STIM2: variants seen among roughly 807,000 people sequenced by gnomAD.
STIM2 encodes the protein stromal interaction molecule 2.
A neutral mutation model predicts 85.8 loss-of-function variants in STIM2; 31 were observed. The ratio of observed to expected loss-of-function variants is 0.36; its 90% CI spans 0.27 to 0.49. The LOEUF is 0.49. STIM2 is among the 20% of genes least tolerant of loss of function. STIM2 has a pLI of 0.98. For synonymous variants in STIM2, 356 were observed against 331.1 expected, an observed-to-expected ratio of 1.08 and a Z score of -0.82; for missense variants, 841 against 927.6, an observed-to-expected ratio of 0.91 and a Z score of 1.21.
intron 7 of STIM2, among the ~76,000 whole-genome samples, chr4:27,003,391 G>GT (rs1373875678): frequency 2.0e-5 from 3 of 152,098 alleles, no homozygotes; most frequent in Non-Finnish European, 4.4e-5. Context: ...TCTGTAATAT[G>GT]TTTAAGTTTC....
chr4:26,942,005 A>G (rs1302916236), intron 2 of STIM2, among the ~76,000 whole-genome samples: 1 of 152,168 alleles, frequency 6.6e-6, no homozygotes, highest in East Asian at 1.9e-4. Flanking sequence ...TTGTTTGGTC[A>G]CTAATTTAAA....
intron 1 of STIM2, among the ~76,000 whole-genome samples, chr4:26,865,585 C>G (rs1722374037): frequency 6.6e-6 from 1 of 152,074 alleles, no homozygotes; most frequent in Admixed American, 6.5e-5. Context: ...TGAACACTTT[C>G]ACAATGATTG....
chr4:26,899,757 T>C (rs767928807), intron 1 of STIM2, among the ~76,000 whole-genome samples: 8 of 152,226 alleles, frequency 5.3e-5, no homozygotes, highest in Non-Finnish European at 1.0e-4. Flanking sequence ...CTATTTAGCA[T>C]ATTGAATAAA....
chr4:26,995,963 T>C (rs1727948557), intron 4 of STIM2, among the ~76,000 whole-genome samples: 1 of 152,094 alleles, frequency 6.6e-6, no homozygotes, highest in Non-Finnish European at 1.5e-5. Flanking sequence ...CATTTTAAAA[T>C]GTATGCTACA....
chr4:26,892,423 C>T (rs1723527894), intron 1 of STIM2, among the ~76,000 whole-genome samples: 1 of 152,140 alleles, frequency 6.6e-6, no homozygotes, highest in Non-Finnish European at 1.5e-5. Flanking sequence ...CATAAGAGCA[C>T]TAATCCTATT....
At chr4:27,012,680 C>T (rs1326337404) in intron 10 of STIM2, among the ~76,000 whole-genome samples, 1 of 151,854 alleles carries the variant, frequency 6.6e-6, no homozygotes, top group Admixed American at 6.6e-5. Context: ...AAGCTAAGAC[C>T]TCCAGTAAAA....
chr4:27,007,354 G>C (rs1728399559), intron 7 of STIM2, among the ~76,000 whole-genome samples, 179 bp from the exon 8 acceptor site: 1 of 143,014 alleles, frequency 7.0e-6, no homozygotes, highest in Non-Finnish European at 1.5e-5. Flanking sequence ...TCGCTCTGTT[G>C]TCAGCCTTAA....
At chr4:26,931,897 GT>G (rs2109074965) in intron 2 of STIM2, among the ~76,000 whole-genome samples, 1 of 152,318 alleles carries the variant, frequency 6.6e-6, no homozygotes, top group Non-Finnish European at 1.5e-5. Context: ...GTTAGTAAGT[GT>G]TTTATGGGAA....
intron 2 of STIM2, among the ~76,000 whole-genome samples, chr4:26,922,789 A>C (rs1724852663): frequency 6.6e-6 from 1 of 152,168 alleles, no homozygotes; most frequent in Non-Finnish European, 1.5e-5. Flanking sequence ...GCCCTATCCT[A>C]AATCACTTTG....
At chr4:26,916,815 A>G (rs915675980) in intron 1 of STIM2, among the ~76,000 whole-genome samples, 8 of 152,008 alleles carry the variant, frequency 5.3e-5, no homozygotes, top group Non-Finnish European at 1.5e-5. Flanking sequence ...GTTGTCAGCT[A>G]CAGATGATTT....
rs1258609319 is a variant in STIM2 at position 27,023,523 on chromosome 4, TGGATAG to T, written c.*530_*535del. 2 of 153,200 alleles carry T rather than the reference TGGATAG, an allele frequency of 1.3e-5. No homozygotes were observed. The highest frequency in any genetic ancestry group is 4.8e-5 in the African/African-American group (2 of 41,430). 9.5% of individuals were successfully genotyped at this position (153,200 alleles called of 1,614,324 possible). On this transcript the variant is annotated 3_prime_UTR_variant, in exon 12 of 12. Transcript: ENST00000467087. The stretch of plus-strand genomic sequence containing the variant: ...CTGTATAGAGTTTATAAAATGACTA[TGGATAG>T]GGGACTGTTTTCACTTTTAGATCAA...
chr4:26,870,680 C>G (rs1479552847), intron 1 of STIM2, among the ~76,000 whole-genome samples: 1 of 151,828 alleles, frequency 6.6e-6, no homozygotes, highest in African/African-American at 2.4e-5. Flanking sequence ...TCAGTGAGTC[C>G]CATGTGCCAG....
intron 5 of STIM2, among the ~76,000 whole-genome samples, chr4:27,001,731 C>T (rs1371581509): frequency 2.0e-5 from 3 of 152,196 alleles, no homozygotes; most frequent in African/African-American, 7.2e-5. Flanking sequence ...ACTGATTAAC[C>T]TAACCTAATT....
At chr4:26,914,383 A>G (rs1560205289) in intron 1 of STIM2, among the ~76,000 whole-genome samples, 1 of 152,196 alleles carries the variant, frequency 6.6e-6, no homozygotes, top group African/African-American at 2.4e-5. Context: ...CTGTCTTCCT[A>G]GAGAGCACTT....
intron 3 of STIM2, among the ~76,000 whole-genome samples, chr4:26,994,021 T>A (rs115391798): frequency 0.017 from 2,568 of 152,150 alleles, 36 homozygotes; most frequent in Non-Finnish European, 0.027. Context: ...GAGATGCTAG[T>A]TATTTTATTC....
At chr4:26,912,346 AT>A (rs973923301) in intron 1 of STIM2, among the ~76,000 whole-genome samples, 1 of 152,162 alleles carries the variant, frequency 6.6e-6, no homozygotes, top group Non-Finnish European at 1.5e-5. Flanking sequence ...TCTGCATGAA[AT>A]TTGCTGACTT....
intron 2 of STIM2, among the ~76,000 whole-genome samples, chr4:26,922,056 G>A (rs951773702): frequency 1.3e-5 from 2 of 152,072 alleles, no homozygotes; most frequent in African/African-American, 4.8e-5. Flanking sequence ...TATTCTGTTG[G>A]TCATAAGGAA....
chr4:26,893,572 T>C (rs940601189), intron 1 of STIM2, among the ~76,000 whole-genome samples: 2 of 152,222 alleles, frequency 1.3e-5, no homozygotes, highest in Non-Finnish European at 1.5e-5. Flanking sequence ...CTTTTGTTTC[T>C]AGTTTTGACC....
intron 11 of STIM2, chr4:27,019,493 C>CT (rs1728844519): frequency 1.6e-6 from 2 of 1,289,506 alleles, no homozygotes; most frequent in African/African-American, 1.5e-5. Context: ...GCTGCACTGT[C>CT]TAATAAAACT....
Sources: gnomAD v4.1 joint callset for allele counts (sites outside exome capture counted in the v4.1 genomes callset) on GRCh38, gnomAD v4.1.1 for gene constraint, MANE v1.5 for transcripts, NCBI Gene and HGNC (gene_info 2026-07-23, HGNC 2026-07-21) for gene names.